SCFD2: variants seen among roughly 807,000 people sequenced by gnomAD.
The protein encoded by SCFD2 is sec1 family domain containing 2.
SCFD2 carries 54 observed loss-of-function variants against 58.9 expected under a neutral mutation model. The ratio of observed to expected loss-of-function variants is 0.92; its 90% confidence interval spans 0.74 to 1.15. The LOEUF is 1.15. SCFD2 is among the 50% of genes most tolerant of loss of function. The pLI is 0.00. For missense variants in SCFD2, 805 were observed against 836.6 expected (o/e 0.96, Z 0.47); for synonymous variants, 321 against 335.9 (o/e 0.96, Z 0.49).
chr4:53,114,091 G>A (rs936829467), intron 5 of SCFD2, among the ~76,000 whole-genome samples: 16 of 152,010 alleles, frequency 1.1e-4, no homozygotes, highest in Admixed American at 3.9e-4. Flanking sequence ...TTAAACTTTC[G>A]TTCCTTTAAT....
chr4:53,257,116 C>CAT (rs886688854), intron 4 of SCFD2, among the ~76,000 whole-genome samples: 16 of 151,832 alleles, frequency 1.1e-4, no homozygotes, highest in Admixed American at 7.2e-4. Context: ...GTAACACACA[C>CAT]ACACACACAC....
At chr4:52,900,885 T>G (rs930390742) in intron 7 of SCFD2, among the ~76,000 whole-genome samples, 43 of 152,162 alleles carry the variant, frequency 2.8e-4, no homozygotes, top group African/African-American at 1.0e-3. Context: ...CAGTTTGATC[T>G]CAGTCTGCTG....
chr4:53,071,315 T>C (rs28688668), intron 5 of SCFD2, among the ~76,000 whole-genome samples: 21,861 of 152,128 alleles, frequency 0.14, 2,231 homozygotes, highest in African/African-American at 0.29. Context: ...CCACAGTTCC[T>C]TGTAGGTGTT....
At position 52,930,160 on chromosome 4, in the gene SCFD2, T is replaced by C. The variant is rs144105971; in HGVS notation, c.1562-9290A>G. 6.0e-3 allele frequency among the ~76,000 whole-genome samples: 917 copies of C among 152,172 alleles called. 6 individuals are homozygous for C. The highest frequency in any genetic ancestry group is 0.01 in the South Asian group (49 of 4,804). On this transcript the variant is annotated intron_variant, in intron 5 of 8. Transcript: ENST00000401642. The stretch of plus-strand genomic sequence containing the variant: ...TGGTACTGGTACAAAGACAGACACA[T>C]AGACCAATGGAACAGAATAGAGATC...
At chr4:53,085,727 T>C (rs1440752951) in intron 5 of SCFD2, among the ~76,000 whole-genome samples, 2 of 151,782 alleles carry the variant, frequency 1.3e-5, no homozygotes, top group African/African-American at 4.8e-5. Flanking sequence ...CAGAAACAAA[T>C]CCATACACCT....
chr4:52,933,821 C>T (rs755088850), intron 5 of SCFD2, among the ~76,000 whole-genome samples: 2 of 152,150 alleles, frequency 1.3e-5, no homozygotes, highest in Non-Finnish European at 2.9e-5. Flanking sequence ...TCCAATGCAA[C>T]AACATTGGGA....
rs528387864 is a variant in SCFD2, at chr4:52,937,121, T to C, written c.1562-16251A>G. On this transcript the variant is annotated intron_variant, in intron 5 of 8. Transcript: ENST00000401642. ...GCCAAAAAGGGCCTCTTGGAGGAGTTTGCATTTTAGCAGACACTTTTCGAA... is the reference window on the plus strand; with the variant it reads ...GCCAAAAAGGGCCTCTTGGAGGAGTCTGCATTTTAGCAGACACTTTTCGAA... Among the ~76,000 whole-genome samples, 62 of 152,314 alleles carry C rather than the reference T, an allele frequency of 4.1e-4. 1 individual carries two copies. Among genetic ancestry groups the C allele is most frequent in the African/African-American group, 1.4e-3 (60 of 41,578 alleles).
At chr4:53,058,417 A>G (rs1490925975) in intron 5 of SCFD2, among the ~76,000 whole-genome samples, 1 of 152,146 alleles carries the variant, frequency 6.6e-6, no homozygotes, top group Non-Finnish European at 1.5e-5. Flanking sequence ...CTTCAAATAC[A>G]TATAATGTCT....
At chr4:53,181,632 T>C (rs374435319) in intron 4 of SCFD2, among the ~76,000 whole-genome samples, 19 of 152,054 alleles carry the variant, frequency 1.2e-4, no homozygotes, top group Admixed American at 1.2e-3. Flanking sequence ...TCCTGTTCAA[T>C]ATAGTGTTGG....
intron 4 of SCFD2, among the ~76,000 whole-genome samples, chr4:53,178,138 C>G (rs1333252357): frequency 1.3e-5 from 2 of 152,202 alleles, no homozygotes; most frequent in Non-Finnish European, 2.9e-5. Flanking sequence ...AAATGTCCCT[C>G]TCTGACAGCT....
At chr4:53,302,990 T>G (rs543792451) in intron 3 of SCFD2, among the ~76,000 whole-genome samples, 2 of 152,186 alleles carry the variant, frequency 1.3e-5, no homozygotes, top group African/African-American at 4.8e-5. Context: ...CCTAAAACCA[T>G]AAAAACCCTA....
intron 5 of SCFD2, among the ~76,000 whole-genome samples, chr4:52,992,994 G>A (rs1721657275): frequency 6.6e-6 from 1 of 151,688 alleles, no homozygotes; most frequent in African/African-American, 2.4e-5. Context: ...TCAGATTGTT[G>A]CTGTGTCTGT....
At chr4:53,273,155 T>C (rs534533787) in intron 4 of SCFD2, among the ~76,000 whole-genome samples, 1 of 152,302 alleles carries the variant, frequency 6.6e-6, no homozygotes, top group Non-Finnish European at 1.5e-5. Flanking sequence ...ATAAATCATA[T>C]TGAGTCTATG....
intron 4 of SCFD2, among the ~76,000 whole-genome samples, chr4:53,237,293 C>T (rs1281692439): frequency 6.6e-6 from 1 of 151,226 alleles, no homozygotes; most frequent in African/African-American, 2.4e-5. Context: ...CCCACCTTTC[C>T]TGCCTTTCTA....
intron 5 of SCFD2, among the ~76,000 whole-genome samples, chr4:53,020,355 G>A (rs768505172): frequency 2.0e-5 from 3 of 152,138 alleles, no homozygotes; most frequent in Non-Finnish European, 4.4e-5. Context: ...ATCGGTTACT[G>A]TTTCAGAACA....
chr4:52,992,286 C>T lies in SCFD2; in HGVS notation c.1562-71416G>A, dbSNP rs188768246. 3.9e-3 allele frequency among the ~76,000 whole-genome samples: 597 copies of T among 152,350 alleles called. 8 individuals are homozygous for T. The highest frequency in any genetic ancestry group is 0.024 in the Middle Eastern group (7 of 294). ...GCGAGTGATCTGCCAGCCTCGGCCTCCTGAGGTGCCGGGATTGCAGACGGA... is the reference window on the plus strand; with the variant it reads ...GCGAGTGATCTGCCAGCCTCGGCCTTCTGAGGTGCCGGGATTGCAGACGGA... On this transcript the variant is annotated intron_variant, in intron 5 of 8. Transcript: ENST00000401642.
chr4:52,988,395 G>T (rs1477423068), intron 5 of SCFD2, among the ~76,000 whole-genome samples: 1 of 152,148 alleles, frequency 6.6e-6, no homozygotes, highest in East Asian at 1.9e-4. Flanking sequence ...AAATAATGTT[G>T]CTTTAGGACC....
chr4:53,360,612 A>G (rs945293387), intron 1 of SCFD2, among the ~76,000 whole-genome samples: 1 of 152,130 alleles, frequency 6.6e-6, no homozygotes, highest in Non-Finnish European at 1.5e-5. Context: ...AGGTGACCTC[A>G]CCCTTCTCAG....
chr4:52,952,207 C>A (rs1056064123), intron 5 of SCFD2, among the ~76,000 whole-genome samples: 2 of 152,018 alleles, frequency 1.3e-5, no homozygotes, highest in Admixed American at 1.3e-4. Flanking sequence ...CCACTCCCTA[C>A]CATATCCCCT....
Sources: allele counts gnomAD v4.1 joint callset (sites outside exome capture counted in the v4.1 genomes callset), GRCh38; gene constraint gnomAD v4.1.1; transcripts MANE v1.5; gene names NCBI Gene and HGNC (gene_info 2026-07-23, HGNC 2026-07-21).